Variants in MCTP1 observed in about 807,000 individuals in gnomAD.
The protein encoded by MCTP1 is multiple C2 and transmembrane domain-containing protein 1.
Under a neutral mutation model 120.6 loss-of-function variants are expected in MCTP1, and 69 were observed. The ratio of observed to expected loss-of-function variants is 0.57; its 90% CI spans 0.47 to 0.70. The LOEUF (loss-of-function observed/expected upper bound fraction) is 0.70, where lower values mean the gene tolerates loss of function less well. Ranked by LOEUF, MCTP1 falls within the 30% of genes least tolerant of loss-of-function variation. MCTP1 has a pLI of 0.00. For synonymous variants in MCTP1, 529 were observed against 493.1 expected, an observed-to-expected ratio of 1.07 and a Z score of -0.96; for missense variants, 1,203 against 1,248.8, an observed-to-expected ratio of 0.96 and a Z score of 0.55.
chr5:94,934,543 T>C (rs1393383535), intron 5 of MCTP1, among the ~76,000 whole-genome samples: 1 of 151,806 alleles, frequency 6.6e-6, no homozygotes, highest in African/African-American at 2.4e-5. Flanking sequence ...TTTTTAATTT[T>C]TATCTTTTGT....
At chr5:94,812,812 C>G (rs1783718862) in intron 17 of MCTP1, among the ~76,000 whole-genome samples, 1 of 150,776 alleles carries the variant, frequency 6.6e-6, no homozygotes, top group South Asian at 2.1e-4. Flanking sequence ...GATCATAGAA[C>G]TAAAACCATA....
intron 5 of MCTP1, among the ~76,000 whole-genome samples, chr5:94,933,556 T>C (rs1425263641): frequency 6.6e-6 from 1 of 151,872 alleles, no homozygotes; most frequent in Non-Finnish European, 1.5e-5. Flanking sequence ...GAATGGTATA[T>C]CCTAGAGATG....
chr5:95,093,058 A>G (rs1332412760), intron 1 of MCTP1, among the ~76,000 whole-genome samples: 1 of 152,242 alleles, frequency 6.6e-6, no homozygotes, highest in African/African-American at 2.4e-5. Flanking sequence ...TTGTTTTGCT[A>G]TAAGAAACAC....
chr5:94,968,707 C>G (rs1826138364), intron 2 of MCTP1, among the ~76,000 whole-genome samples: 1 of 152,158 alleles, frequency 6.6e-6, no homozygotes, highest in Admixed American at 6.6e-5. Flanking sequence ...TAGTACTTAT[C>G]AAATTAAAGA....
At chr5:95,161,491 C>T (rs1174142700) in intron 1 of MCTP1, among the ~76,000 whole-genome samples, 2 of 151,898 alleles carry the variant, frequency 1.3e-5, no homozygotes, top group African/African-American at 2.4e-5. Context: ...TGCAAAGTTT[C>T]GGTTACGAGA....
chr5:94,803,815 C>T (rs899092468), intron 17 of MCTP1, among the ~76,000 whole-genome samples: 3 of 152,140 alleles, frequency 2.0e-5, no homozygotes, highest in Non-Finnish European at 4.4e-5. Flanking sequence ...TGACTGAGTA[C>T]AGTGATGACC....
chr5:94,844,301 CA>C (rs59169145), intron 17 of MCTP1, among the ~76,000 whole-genome samples: 8,350 of 79,344 alleles, frequency 0.11, 187 homozygotes, highest in South Asian at 0.26. Flanking sequence ...GACTCTGTCT[CA>C]AAAAAAAAAA....
chr5:94,979,806 A>G (rs1398991264), intron 2 of MCTP1, among the ~76,000 whole-genome samples: 1 of 152,092 alleles, frequency 6.6e-6, no homozygotes, highest in Non-Finnish European at 1.5e-5. Context: ...TTAAACCATA[A>G]TAAGAGCAAG....
chr5:94,740,738 G>A (rs1765342874), intron 19 of MCTP1, among the ~76,000 whole-genome samples: 1 of 152,182 alleles, frequency 6.6e-6, no homozygotes, highest in Admixed American at 6.5e-5. Flanking sequence ...GCAGAGTATA[G>A]CAGGCCAGGC....
At chr5:94,842,695 C>A (rs1248936816) in intron 17 of MCTP1, among the ~76,000 whole-genome samples, 4 of 152,132 alleles carry the variant, frequency 2.6e-5, no homozygotes, top group African/African-American at 9.7e-5. Flanking sequence ...TATGAATAAA[C>A]AATATATCTA....
At chr5:95,248,900 A>C (rs1490764228) in intron 1 of MCTP1, among the ~76,000 whole-genome samples, 1 of 152,182 alleles carries the variant, frequency 6.6e-6, no homozygotes, top group Non-Finnish European at 1.5e-5. Flanking sequence ...TGACAAAAAC[A>C]AGCAATGGAG....
intron 19 of MCTP1, among the ~76,000 whole-genome samples, chr5:94,734,293 T>C (rs973606713): frequency 6.6e-6 from 1 of 152,210 alleles, no homozygotes; most frequent in Non-Finnish European, 1.5e-5. Flanking sequence ...GGATGCAGTC[T>C]TATAACATGT....
intron 1 of MCTP1, among the ~76,000 whole-genome samples, chr5:95,279,018 A>G (rs1411683765): frequency 6.6e-6 from 1 of 152,108 alleles, no homozygotes; most frequent in East Asian, 1.9e-4. Flanking sequence ...CTGCTACGAT[A>G]TTATAAATAG....
chr5:94,830,530 C>G (rs561744252), intron 17 of MCTP1, among the ~76,000 whole-genome samples: 1 of 152,278 alleles, frequency 6.6e-6, no homozygotes, highest in Admixed American at 6.5e-5. Flanking sequence ...TATCAATTTA[C>G]CAGCTGGAAA....
chr5:94,957,587 GA>G (rs1004929960), intron 2 of MCTP1, among the ~76,000 whole-genome samples: 2 of 149,402 alleles, frequency 1.3e-5, no homozygotes, highest in African/African-American at 4.9e-5. Context: ...AAAATGGAAA[GA>G]AAAAAAAGAA....
intron 1 of MCTP1, among the ~76,000 whole-genome samples, chr5:95,072,903 A>G (rs774151834): frequency 1.3e-5 from 2 of 151,488 alleles, no homozygotes; most frequent in Non-Finnish European, 2.9e-5. Context: ...CGGCCACCAT[A>G]CCTGGCTAAT....
At position 94,917,925 on chromosome 5, in the gene MCTP1, G is replaced by A. The variant is rs1158274085; in HGVS notation, c.1321C>T (p.Leu441Phe). Reference protein sequence around the residue: ...LPVLGFCRAELQNPYCKNVQF... With the variant: ...LPVLGFCRAEFQNPYCKNVQF... ...ACATTTTTGCAATAAGGATTCTGAA[G>A]CTCTGCTCTGCAGAAGCCCAGGACA... The change falls in exon 8 of 23, where the codon CTT becomes TTT. Residue 441 changes from leucine (L) to phenylalanine (F), a missense_variant. By Grantham distance (22) the Leu-to-Phe change is conservative. This residue lies in a region of MCTP1 where 740 missense variants were observed against 871.1 expected (regional missense o/e 0.85). Transcript: ENST00000515393. 1 of 1,613,756 alleles carries A rather than the reference G, an allele frequency of 6.2e-7. No homozygotes were observed. Among genetic ancestry groups the A allele is most frequent in the Non-Finnish European group, 8.5e-7 (1 of 1,179,790 alleles).
At chr5:94,806,899 A>G (rs755404833) in intron 17 of MCTP1, among the ~76,000 whole-genome samples, 15 of 152,194 alleles carry the variant, frequency 9.9e-5, no homozygotes, top group Non-Finnish European at 2.2e-4. Flanking sequence ...TTTTCTGCCT[A>G]CATGGAAAGG....
intron 17 of MCTP1, among the ~76,000 whole-genome samples, chr5:94,816,226 TACA>T (rs1463892790): frequency 2.6e-5 from 4 of 152,218 alleles, no homozygotes; most frequent in Non-Finnish European, 4.4e-5. Flanking sequence ...TGTATATGGA[TACA>T]ACATTAGATG....
Sources: allele counts gnomAD v4.1 joint callset (sites outside exome capture counted in the v4.1 genomes callset), GRCh38; gene constraint gnomAD v4.1.1; regional missense constraint gnomAD v4.1.1; transcripts MANE v1.5; gene names NCBI Gene and HGNC (gene_info 2026-07-23, HGNC 2026-07-21).